PSMD1: variants seen among roughly 807,000 people sequenced by gnomAD.
PSMD1 encodes the protein 26S proteasome non-ATPase regulatory subunit 1.
PSMD1 carries 18 observed loss-of-function variants against 119.0 expected under a neutral mutation model. The ratio of observed to expected loss-of-function variants is 0.15; its 90% confidence interval spans 0.10 to 0.22. The LOEUF is 0.22. Ranked by LOEUF, PSMD1 falls within the 10% of genes least tolerant of loss-of-function variation. PSMD1 has a pLI of 1.00. For missense variants in PSMD1, 702 were observed against 1,158.5 expected (o/e 0.61, Z 5.72); for synonymous variants, 374 against 396.6 (o/e 0.94, Z 0.68).
chr2:231,065,570 A>T (rs1693890357), intron 4 of PSMD1, among the ~76,000 whole-genome samples: 1 of 151,864 alleles, frequency 6.6e-6, no homozygotes, highest in Admixed American at 6.6e-5. Flanking sequence ...AAGTGCTGGG[A>T]TTACAGGCGT....
chr2:231,059,095 T>G (rs1693692018), intron 1 of PSMD1, among the ~76,000 whole-genome samples: 1 of 152,206 alleles, frequency 6.6e-6, no homozygotes, highest in African/African-American at 2.4e-5. Flanking sequence ...AATCAGTCCC[T>G]TGAGTTTTTA....
intron 15 of PSMD1, among the ~76,000 whole-genome samples, chr2:231,086,378 C>T (rs1288236482): frequency 6.6e-6 from 1 of 152,112 alleles, no homozygotes; most frequent in East Asian, 1.9e-4. Context: ...GCCCTGGGGC[C>T]GGGCATGGTG....
chr2:231,107,678 A>C (rs377605488), intron 16 of PSMD1, among the ~76,000 whole-genome samples: 1 of 152,198 alleles, frequency 6.6e-6, no homozygotes, highest in East Asian at 1.9e-4. Flanking sequence ...TGAATAAAAA[A>C]TTTTGTGCTG....
At chr2:231,123,712 A>C (rs1695636848) in intron 16 of PSMD1, 1 of 1,614,080 alleles carries the variant, frequency 6.2e-7, no homozygotes, top group Non-Finnish European at 8.5e-7. Flanking sequence ...GCTCTGCAAA[A>C]TGTGCTCAGG....
At chr2:231,172,203 T>C (rs905646231) in intron 24 of PSMD1, among the ~76,000 whole-genome samples, 2 of 152,230 alleles carry the variant, frequency 1.3e-5, no homozygotes, top group Admixed American at 6.5e-5. Flanking sequence ...TGTCTGAGAA[T>C]TGAGGTGACT....
chr2:231,062,725 C>G, intron 4 of PSMD1, 50 bp downstream of exon 4: 1 of 1,390,780 alleles, frequency 7.2e-7, no homozygotes, highest in Non-Finnish European at 9.5e-7. Flanking sequence ...TTCTTTCTTG[C>G]TGTAGTGCAC....
intron 18 of PSMD1, among the ~76,000 whole-genome samples, chr2:231,146,672 A>G (rs1696260518): frequency 6.6e-6 from 1 of 152,222 alleles, no homozygotes; most frequent in East Asian, 1.9e-4. Flanking sequence ...AAATGTATTC[A>G]GTGGGATAAC....
At chr2:231,072,040 T>A in intron 6 of PSMD1, 149 bp from the exon 7 acceptor site, 1 of 624,802 alleles carries the variant, frequency 1.6e-6, no homozygotes, top group Non-Finnish European at 2.8e-6. Context: ...TAGTGCTGGG[T>A]TTAGAAATAG....
intron 19 of PSMD1, among the ~76,000 whole-genome samples, chr2:231,155,972 T>C (rs2125262045): frequency 6.6e-6 from 1 of 152,252 alleles, no homozygotes; most frequent in East Asian, 1.9e-4. Flanking sequence ...CACTCTTCAC[T>C]ACCTTCCAAT....
intron 23 of PSMD1, among the ~76,000 whole-genome samples, chr2:231,167,317 A>G (rs1324356691): frequency 6.6e-6 from 1 of 152,208 alleles, no homozygotes; most frequent in Non-Finnish European, 1.5e-5. Context: ...TTAGGACACA[A>G]CTAGAGCATA....
intron 16 of PSMD1, among the ~76,000 whole-genome samples, chr2:231,127,343 T>A (rs1000611874): frequency 3.3e-5 from 5 of 151,928 alleles, no homozygotes; most frequent in Non-Finnish European, 5.9e-5. Context: ...ACTTGTACCT[T>A]TTTTTGTGTT....
At chr2:231,129,363 C>T (rs951131554) in intron 16 of PSMD1, among the ~76,000 whole-genome samples, 9 of 152,106 alleles carry the variant, frequency 5.9e-5, no homozygotes, top group Non-Finnish European at 1.0e-4. Context: ...GGAATGCAAT[C>T]TGAGATTTTT....
chr2:231,138,207 C>A (rs985653004), intron 16 of PSMD1, among the ~76,000 whole-genome samples: 5 of 152,148 alleles, frequency 3.3e-5, no homozygotes. Context: ...TCTCTTCTTA[C>A]CAACACAAAA....
Position 231,170,656 on chromosome 2 carries a change from G to A in PSMD1, c.2806G>A (p.Glu936Lys), listed in dbSNP as rs767208353. 4.3e-6 allele frequency: 7 copies of A among 1,614,056 alleles called. No homozygotes were observed. Among genetic ancestry groups the A allele is most frequent in the Non-Finnish European group, 5.1e-6 (6 of 1,179,986 alleles). The change falls in exon 24 of 25, where the codon GAG becomes AAG. Residue 936 changes from glutamate (E) to lysine (K), a missense_variant. By Grantham distance (56) the Glu-to-Lys change is moderately conservative (BLOSUM62 1). Around this residue, in one of 9 missense-constraint regions of PSMD1, gnomAD observed 152 missense variants for 239.3 expected, o/e 0.64. Transcript: ENST00000308696. The surrounding 1 kb of genome is among the most constrained non-coding windows in gnomAD (Gnocchi z 4.1). ...EPVAAHGPKI[E>K]EEEQEPEPPE... is the part of the protein sequence containing the mutation. ...TGTGGCAGCACATGGCCCAAAAATC[G>A]AGGAGGAGGAACAAGAGCCAGAACC...
rs76371150 is a variant in PSMD1, at chr2:231,126,903, T to A, written c.1884-11833T>A. On this transcript the variant is annotated intron_variant, in intron 16 of 24. Coordinates refer to ENST00000308696, the MANE Select transcript of PSMD1 (RefSeq NM_002807.4). ...AAGCAAAATAATAATAAATAAATAA[T>A]TATATAAAAGGATAGTTGAGTCTCA... is the stretch of plus-strand genomic sequence containing the variant. Among the ~76,000 whole-genome samples, 138 of 152,058 alleles carry A rather than the reference T, an allele frequency of 9.1e-4. 3 individuals are homozygous for A. The East Asian group carries it at 0.026, about 28-fold the overall frequency.
rs1201324583 is a variant in PSMD1 at position 231,172,648 on chromosome 2, C to T, written c.*123C>T. 1 of 152,160 alleles carries T rather than the reference C, an allele frequency of 6.6e-6. No homozygotes were observed. Among genetic ancestry groups the T allele is most frequent in the Non-Finnish European group, 1.5e-5 (1 of 68,046 alleles). 9.4% of individuals were successfully genotyped at this position (152,160 alleles called of 1,614,324 possible). On this transcript the variant is annotated 3_prime_UTR_variant, in exon 25 of 25. Transcript: ENST00000308696. ...CATGTATCGTTGCCTCTGCACTGAC[C>T]TGAAGAACCCTGTCTCCAAGTCTTT...
At chr2:231,123,562 G>A (rs1313550536) in intron 16 of PSMD1, 7 of 1,614,070 alleles carry the variant, frequency 4.3e-6, no homozygotes, top group South Asian at 2.2e-5. Context: ...TCCACCAATT[G>A]TGGGTATTAT....
intron 7 of PSMD1, 29 bp from the exon 8 acceptor site, chr2:231,075,482 G>C: frequency 6.2e-7 from 1 of 1,604,356 alleles, no homozygotes; most frequent in South Asian, 1.1e-5. Flanking sequence ...CTTCTCTTCA[G>C]AAAAAATTAT....
intron 15 of PSMD1, 38 bp downstream of exon 15, chr2:231,085,152 G>A: frequency 1.9e-6 from 3 of 1,549,688 alleles, no homozygotes; most frequent in Non-Finnish European, 2.7e-6. Context: ...GGGGTGGACG[G>A]AAAAGCTTGC....
Sources: allele counts gnomAD v4.1 joint callset (sites outside exome capture counted in the v4.1 genomes callset), GRCh38; gene constraint gnomAD v4.1.1; regional missense constraint gnomAD v4.1.1; non-coding constraint Gnocchi (gnomAD v3.1); transcripts MANE v1.5; gene names NCBI Gene and HGNC (gene_info 2026-07-23, HGNC 2026-07-21).